FRMD6: variants seen among roughly 807,000 people sequenced by gnomAD.
FRMD6 encodes FERM domain-containing protein 6.
FRMD6 carries 37 observed loss-of-function variants against 73.2 expected under a neutral mutation model. That is an observed-to-expected ratio of 0.51 (90% confidence interval 0.39 to 0.66). The LOEUF is 0.66. Among genes scored for constraint, FRMD6 ranks in the 30% least tolerant of loss-of-function variants. FRMD6 has a pLI of 0.00. For missense variants in FRMD6, 714 were observed against 780.5 expected (o/e 0.91, Z 1.02); for synonymous variants, 273 against 282.2 (o/e 0.97, Z 0.33).
intron 1 of FRMD6, among the ~76,000 whole-genome samples, chr14:51,533,250 G>T (rs1885692362): frequency 6.6e-6 from 1 of 152,142 alleles, no homozygotes; most frequent in African/African-American, 2.4e-5. Context: ...TTCTGGGGTG[G>T]GGCAGGCTGA....
intron 2 of FRMD6, among the ~76,000 whole-genome samples, chr14:51,596,239 G>A (rs1252346641): frequency 7.0e-6 from 1 of 142,390 alleles, no homozygotes; most frequent in East Asian, 2.1e-4. Flanking sequence ...ATTTCCAAGA[G>A]GAGAGCCTGG....
intron 2 of FRMD6, among the ~76,000 whole-genome samples, chr14:51,599,465 T>C (rs1889910821): frequency 6.6e-6 from 1 of 152,078 alleles, no homozygotes; most frequent in African/African-American, 2.4e-5. Flanking sequence ...TCAAAAGCAA[T>C]TGCAACAAAA....
chr14:51,726,476 G>T (rs929361328), intron 13 of FRMD6, among the ~76,000 whole-genome samples: 1 of 151,898 alleles, frequency 6.6e-6, no homozygotes, highest in Non-Finnish European at 1.5e-5. Flanking sequence ...TCCCTTCTGT[G>T]TGTGTTTCTC....
At chr14:51,422,641 G>A in the FRMD6 span, among the ~76,000 whole-genome samples, 2 of 152,128 alleles carry the variant, frequency 1.3e-5, no homozygotes, top group Admixed American at 1.3e-4. Context: ...GATTAGTAAG[G>A]TTTTAAAAAA....
Position 51,711,519 on chromosome 14 carries a change from C to G in FRMD6, c.715-12C>G. The stretch of plus-strand genomic sequence containing the variant: ...AAAACATTTAATTTTTTATAAAATC[C>G]TATTCCTACAGGATAAAAGGGAAAT... On this transcript the variant is annotated splice_polypyrimidine_tract_variant and intron_variant, in intron 7 of 13. Coordinates refer to ENST00000344768, the MANE Select transcript of FRMD6 (RefSeq NM_001267046.2). The G allele has an allele frequency of 6.4e-7, 1 of 1,558,460 alleles. No homozygotes were observed. The highest frequency in any genetic ancestry group is 1.1e-5 in the South Asian group (1 of 87,330).
At chr14:51,629,698 A>G (rs1374416729) in intron 2 of FRMD6, among the ~76,000 whole-genome samples, 2 of 152,212 alleles carry the variant, frequency 1.3e-5, no homozygotes, top group Non-Finnish European at 2.9e-5. Context: ...GAAACCTGGC[A>G]CTTGATATGG....
chr14:51,432,629 T>C, the FRMD6 span, among the ~76,000 whole-genome samples: 1 of 152,238 alleles, frequency 6.6e-6, no homozygotes, highest in Non-Finnish European at 1.5e-5. Context: ...TTTAAGCATC[T>C]GCAGAAAATG....
At chr14:51,491,595 G>A (rs1183725030) in intron 1 of FRMD6, 2 of 152,160 alleles carry the variant, frequency 1.3e-5, no homozygotes, top group Non-Finnish European at 2.9e-5. Flanking sequence ...ACCCTATGAA[G>A]TAAGGACTAC....
the FRMD6 span, among the ~76,000 whole-genome samples, chr14:51,479,883 A>G: frequency 1.3e-5 from 2 of 152,196 alleles, no homozygotes; most frequent in African/African-American, 4.8e-5. Flanking sequence ...TTAAGCTCAC[A>G]GTGACTCAGT....
intron 2 of FRMD6, among the ~76,000 whole-genome samples, chr14:51,592,513 G>GA (rs1191629960): frequency 1.3e-5 from 2 of 152,168 alleles, no homozygotes; most frequent in African/African-American, 4.8e-5. Flanking sequence ...AGCAGTTGCT[G>GA]AAAAAATTAC....
At chr14:51,573,564 G>C (rs1888247444) in intron 2 of FRMD6, among the ~76,000 whole-genome samples, 1 of 152,208 alleles carries the variant, frequency 6.6e-6, no homozygotes, top group Admixed American at 6.5e-5. Flanking sequence ...GGAAGGCACA[G>C]AAAGGAATCC....
At chr14:51,571,035 G>A (rs749290004) in intron 2 of FRMD6, among the ~76,000 whole-genome samples, 9 of 152,074 alleles carry the variant, frequency 5.9e-5, no homozygotes, top group African/African-American at 1.9e-4. Context: ...TCTATAAATG[G>A]GTGTCCAGCT....
chr14:51,488,218 T>C (rs8015538), upstream of FRMD6, among the ~76,000 whole-genome samples: 111,716 of 152,148 alleles, frequency 0.73, 41,178 homozygotes, highest in South Asian at 0.8. Flanking sequence ...TTCGCAGTAA[T>C]TTTGATTGGC....
At chr14:51,451,582 T>C in the FRMD6 span, among the ~76,000 whole-genome samples, 1 of 152,322 alleles carries the variant, frequency 6.6e-6, no homozygotes, top group African/African-American at 2.4e-5. Context: ...GATTTTGCCA[T>C]GTTGGCCAGG....
At chr14:51,452,605 T>G in the FRMD6 span, among the ~76,000 whole-genome samples, 1 of 152,190 alleles carries the variant, frequency 6.6e-6, no homozygotes, top group East Asian at 1.9e-4. Flanking sequence ...TAGAGTATAT[T>G]TGGGAGCCAC....
intron 1 of FRMD6, among the ~76,000 whole-genome samples, chr14:51,537,185 C>T (rs4901134): frequency 0.37 from 55,834 of 152,012 alleles, 10,871 homozygotes; most frequent in African/African-American, 0.51. Flanking sequence ...CCTATTCTTC[C>T]TTTCTCTCAG....
chr14:51,528,578 G>A (rs933047676), intron 1 of FRMD6, among the ~76,000 whole-genome samples: 1 of 151,966 alleles, frequency 6.6e-6, no homozygotes, highest in Non-Finnish European at 1.5e-5. Context: ...ACAACCAATG[G>A]TTTTACTTTT....
the FRMD6 span, among the ~76,000 whole-genome samples, chr14:51,474,903 A>G: frequency 6.6e-6 from 1 of 152,238 alleles, no homozygotes; most frequent in African/African-American, 2.4e-5. Flanking sequence ...TTATCTGTTC[A>G]GCCATAGAGC....
chr14:51,581,702 C>A (rs1888734674), intron 2 of FRMD6, among the ~76,000 whole-genome samples: 1 of 152,186 alleles, frequency 6.6e-6, no homozygotes, highest in Non-Finnish European at 1.5e-5. Context: ...CAGATACTTG[C>A]CGAATTCTTG....
Sources: allele counts gnomAD v4.1 joint callset (sites outside exome capture counted in the v4.1 genomes callset), GRCh38; gene constraint gnomAD v4.1.1; transcripts MANE v1.5; gene names NCBI Gene and HGNC (gene_info 2026-07-23, HGNC 2026-07-21).